The following SHISA9 variants were observed in gnomAD, a reference collection of about 807,000 sequenced individuals.
SHISA9 encodes shisa family member 9, also known as protein shisa-9.
A neutral mutation model predicts 38.0 loss-of-function variants in SHISA9; 13 were observed. The ratio of observed to expected loss-of-function variants is 0.34; its 90% confidence interval spans 0.22 to 0.54. SHISA9 has a LOEUF of 0.54. Among genes scored for constraint, SHISA9 ranks in the 20% least tolerant of loss-of-function variants. The pLI is 0.91. For synonymous variants in SHISA9, 275 were observed against 242.0 expected (o/e 1.14, Z -1.27); for missense variants, 538 against 575.8 (o/e 0.93, Z 0.67).
At chr16:13,011,120 C>T (rs1223598632) in intron 2 of SHISA9, among the ~76,000 whole-genome samples, 2 of 152,180 alleles carry the variant, frequency 1.3e-5, no homozygotes, top group African/African-American at 2.4e-5. Flanking sequence ...AGTTTACGTT[C>T]TTGCTCAGGT....
chr16:13,185,376 T>A (rs192321375), intron 2 of SHISA9, among the ~76,000 whole-genome samples: 11 of 152,134 alleles, frequency 7.2e-5, no homozygotes, highest in African/African-American at 2.6e-4. Flanking sequence ...TACTTAAAAA[T>A]TTTTTTGGTA....
chr16:13,465,374 A>C, the SHISA9 span, among the ~76,000 whole-genome samples: 1 of 152,206 alleles, frequency 6.6e-6, no homozygotes, highest in African/African-American at 2.4e-5. Flanking sequence ...TCATTTTGGC[A>C]GAACTGGAGG....
intron 2 of SHISA9, among the ~76,000 whole-genome samples, chr16:13,107,020 A>G (rs910854841): frequency 2.0e-5 from 3 of 149,992 alleles, no homozygotes; most frequent in Non-Finnish European, 4.4e-5. Context: ...AGCTAGCTGA[A>G]GTTGGTTTTT....
At chr16:12,918,762 G>A (rs2071290693) in intron 2 of SHISA9, among the ~76,000 whole-genome samples, 1 of 152,102 alleles carries the variant, frequency 6.6e-6, no homozygotes, top group Non-Finnish European at 1.5e-5. Flanking sequence ...AGAATTCCTG[G>A]GAAGCTACAG....
chr16:13,252,311 G>A, the SHISA9 span, among the ~76,000 whole-genome samples: 1 of 152,168 alleles, frequency 6.6e-6, no homozygotes, highest in Non-Finnish European at 1.5e-5. Flanking sequence ...TCCTCCAGGG[G>A]ACATTTGGCA....
the SHISA9 span, among the ~76,000 whole-genome samples, chr16:13,295,263 C>A: frequency 6.6e-6 from 1 of 152,114 alleles, no homozygotes; most frequent in Non-Finnish European, 1.5e-5. Context: ...TATATCTGGG[C>A]TGAATTTGAC....
At chr16:13,453,641 C>T in the SHISA9 span, among the ~76,000 whole-genome samples, 5 of 152,194 alleles carry the variant, frequency 3.3e-5, no homozygotes, top group Admixed American at 6.5e-5. Flanking sequence ...ACGAGCCCAC[C>T]CGAATTGGCA....
chr16:12,910,859 C>G (rs1038478866), intron 1 of SHISA9: 3 of 467,738 alleles, frequency 6.4e-6, no homozygotes, highest in Admixed American at 6.4e-5. Context: ...GGAGAATTCT[C>G]TCTTTTTGGG....
Position 12,902,252 on chromosome 16 carries a change from C to T in SHISA9, c.188C>T (p.Ala63Val). 3 of 1,545,302 alleles carry T rather than the reference C, an allele frequency of 1.9e-6. No homozygotes were observed. Among genetic ancestry groups the T allele is most frequent in the Non-Finnish European group, 2.6e-6 (3 of 1,146,640 alleles). ...EASEGAEASD[A>V]PPTRAPTPDF... Reference sequence around the variant, plus strand: ...AGCGAGGGCGCTGAGGCATCGGACGCGCCCCCGACCCGGGCGCCCACGCCG... The same window carrying T: ...AGCGAGGGCGCTGAGGCATCGGACGTGCCCCCGACCCGGGCGCCCACGCCG... Residue 63 changes from alanine to valine, a missense_variant, in exon 1 of 5, where the codon GCG becomes GTG. Physicochemically the swap from Ala to Val is moderately conservative, Grantham distance 64. Around this residue, in one of 4 missense-constraint regions of SHISA9, gnomAD observed 107 missense variants for 103.0 expected, o/e 1.04. Coordinates refer to ENST00000558583, the MANE Select transcript of SHISA9 (RefSeq NM_001145204.3).
At chr16:13,215,411 AT>A (rs2051158690) in intron 4 of SHISA9, among the ~76,000 whole-genome samples, 1 of 152,182 alleles carries the variant, frequency 6.6e-6, no homozygotes, top group Non-Finnish European at 1.5e-5. Flanking sequence ...AGAGAGACAG[AT>A]TTTTGGGTTT....
At chr16:12,981,234 A>G (rs987495025) in intron 2 of SHISA9, among the ~76,000 whole-genome samples, 1 of 152,208 alleles carries the variant, frequency 6.6e-6, no homozygotes, top group Non-Finnish European at 1.5e-5. Flanking sequence ...GGAACCCCAG[A>G]TACCAGAAAC....
intron 2 of SHISA9, among the ~76,000 whole-genome samples, chr16:12,929,476 C>G (rs2071435879): frequency 6.6e-6 from 1 of 152,172 alleles, no homozygotes; most frequent in Non-Finnish European, 1.5e-5. Context: ...GGAACGAGAT[C>G]TTGTCCTTTG....
intron 3 of SHISA9, among the ~76,000 whole-genome samples, chr16:13,206,914 C>T (rs1409294987): frequency 6.6e-6 from 1 of 152,264 alleles, no homozygotes; most frequent in Non-Finnish European, 1.5e-5. Context: ...AGAGTCACGG[C>T]ATCTTTGCCA....
intron 2 of SHISA9, among the ~76,000 whole-genome samples, chr16:12,979,532 G>C (rs1175253078): frequency 1.3e-5 from 2 of 152,102 alleles, no homozygotes; most frequent in East Asian, 3.8e-4. Context: ...TGTATCATCA[G>C]TCTTGGTTCG....
At chr16:13,444,574 A>G in the SHISA9 span, among the ~76,000 whole-genome samples, 1 of 152,094 alleles carries the variant, frequency 6.6e-6, no homozygotes, top group Non-Finnish European at 1.5e-5. Context: ...TTTATCTACT[A>G]GTCTTGATTG....
the SHISA9 span, among the ~76,000 whole-genome samples, chr16:13,365,276 T>G: frequency 6.6e-6 from 1 of 152,250 alleles, no homozygotes; most frequent in Non-Finnish European, 1.5e-5. Flanking sequence ...CTTGTGCTCC[T>G]TACCACTGCA....
chr16:13,304,521 G>T, the SHISA9 span, among the ~76,000 whole-genome samples: 1 of 152,320 alleles, frequency 6.6e-6, no homozygotes, highest in African/African-American at 2.4e-5. Context: ...GCCTCCTAAA[G>T]TGTTGAGATT....
chr16:13,210,108 A>G (rs1340862572), intron 3 of SHISA9, among the ~76,000 whole-genome samples: 3 of 152,200 alleles, frequency 2.0e-5, no homozygotes, highest in Non-Finnish European at 2.9e-5. Context: ...CTCAAAAAAA[A>G]GAAAATGTCC....
At chr16:13,389,714 C>A in the SHISA9 span, among the ~76,000 whole-genome samples, 1 of 152,118 alleles carries the variant, frequency 6.6e-6, no homozygotes, top group Non-Finnish European at 1.5e-5. Flanking sequence ...TGATGTACTC[C>A]AAAGGATAGG....
Sources: gnomAD v4.1 joint callset for allele counts (sites outside exome capture counted in the v4.1 genomes callset) on GRCh38, gnomAD v4.1.1 for gene constraint, gnomAD v4.1.1 regional missense constraint, MANE v1.5 for transcripts, NCBI Gene and HGNC (gene_info 2026-07-23, HGNC 2026-07-21) for gene names.